Variants in PEAK1 observed in about 807,000 individuals in gnomAD.
The protein encoded by PEAK1 is pseudopodium enriched atypical kinase 1, also known as inactive tyrosine-protein kinase PEAK1.
Under a neutral mutation model 124.7 loss-of-function variants are expected in PEAK1, and 54 were observed. The ratio of observed to expected loss-of-function variants is 0.43; its 90% CI spans 0.35 to 0.54. PEAK1 has a LOEUF of 0.54. Among genes scored for constraint, PEAK1 ranks in the 20% least tolerant of loss-of-function variants. PEAK1 has a pLI of 0.01. For synonymous variants in PEAK1, 719 were observed against 760.0 expected (o/e 0.95, Z 0.89); for missense variants, 2,046 against 2,134.5 (o/e 0.96, Z 0.82).
chr15:77,143,136 C>T (rs922602880), intron 8 of PEAK1, among the ~76,000 whole-genome samples: 1 of 152,144 alleles, frequency 6.6e-6, no homozygotes, highest in African/African-American at 2.4e-5. Context: ...GGGTCTCCTT[C>T]CCAAAGCTGC....
At chr15:77,265,246 T>C (rs1237118024) in intron 5 of PEAK1, among the ~76,000 whole-genome samples, 1 of 152,058 alleles carries the variant, frequency 6.6e-6, no homozygotes, top group Non-Finnish European at 1.5e-5. Flanking sequence ...AAAGCCAAAA[T>C]TGACAAATGG....
intron 2 of PEAK1, among the ~76,000 whole-genome samples, chr15:77,303,212 T>C (rs898645182): frequency 1.8e-4 from 27 of 152,226 alleles, no homozygotes; most frequent in African/African-American, 6.5e-4. Context: ...ATAAAGCTGC[T>C]ACAAACATTT....
At chr15:77,417,467 G>GGGGGGGGGGGT in intron 1 of PEAK1, 2 of 774,310 alleles carry the variant, frequency 2.6e-6, no homozygotes, top group Admixed American at 6.7e-5. Flanking sequence ...GGCGGGGGGG[G>GGGGGGGGGGGT]AGGGGGGCAA....
intron 6 of PEAK1, among the ~76,000 whole-genome samples, chr15:77,250,534 G>A (rs574419172): frequency 2.0e-5 from 3 of 152,090 alleles, no homozygotes; most frequent in South Asian, 2.1e-4. Context: ...CTGGGTTCAC[G>A]CCACTCTCCT....
At chr15:77,363,194 C>T (rs1218019023) in intron 2 of PEAK1, among the ~76,000 whole-genome samples, 1 of 152,124 alleles carries the variant, frequency 6.6e-6, no homozygotes, top group Non-Finnish European at 1.5e-5. Flanking sequence ...ACAGTCTTTA[C>T]CTGGCAGGCT....
chr15:77,320,369 T>G (rs553349298), intron 2 of PEAK1, among the ~76,000 whole-genome samples: 1 of 152,180 alleles, frequency 6.6e-6, no homozygotes, highest in Non-Finnish European at 1.5e-5. Flanking sequence ...TTTATATCCC[T>G]AGTGCTGATC....
chr15:77,419,829 C>T (rs973415125), intron 1 of PEAK1, among the ~76,000 whole-genome samples, 177 bp downstream of exon 1: 1 of 148,510 alleles, frequency 6.7e-6, no homozygotes, highest in Admixed American at 6.7e-5. Context: ...CGGGACGCAC[C>T]GGCCGCCAGA....
At chr15:77,361,911 A>T (rs2067913329) in intron 2 of PEAK1, among the ~76,000 whole-genome samples, 1 of 152,206 alleles carries the variant, frequency 6.6e-6, no homozygotes, top group Non-Finnish European at 1.5e-5. Flanking sequence ...GAAAAAAAAA[A>T]AGAAATCCTG....
chr15:77,360,163 G>T (rs2067791103), intron 2 of PEAK1, among the ~76,000 whole-genome samples: 1 of 152,126 alleles, frequency 6.6e-6, no homozygotes, highest in Non-Finnish European at 1.5e-5. Context: ...TAATCCGATA[G>T]TCAGAGACAA....
intron 2 of PEAK1, chr15:77,348,395 C>A (rs2067002330): frequency 1.1e-6 from 1 of 905,012 alleles, no homozygotes; most frequent in Non-Finnish European, 1.3e-6. Flanking sequence ...GGTAATTACA[C>A]TATAAGCAAG....
chr15:77,180,605 G>A lies in PEAK1; in HGVS notation c.1322C>T (p.Thr441Ile), dbSNP rs1402767957. 2.5e-6 allele frequency: 4 copies of A among 1,614,112 alleles called. No individual in the cohort carries two copies. The highest frequency in any genetic ancestry group is 3.4e-6 in the Non-Finnish European group (4 of 1,180,018). ...GGTTACTGCTTGCCCAGCAACATCT[G>A]TAGAGGCTTTACTTTCTTCCTTCTC... ...QTEKEESKAS[T>I]DVAGQAVTIN... is the part of the protein sequence containing the mutation. The change falls in exon 7 of 10, where the codon ACA (threonine) becomes ATA (isoleucine). Residue 441 changes from threonine to isoleucine, a missense_variant. Thr to Ile is a moderately conservative substitution (Grantham distance 89, BLOSUM62 -1). Coordinates refer to ENST00000682557, the MANE Select transcript of PEAK1 (RefSeq NM_001385026.1).
intron 8 of PEAK1, among the ~76,000 whole-genome samples, chr15:77,143,398 A>G (rs1399691768): frequency 6.6e-6 from 1 of 152,144 alleles, no homozygotes; most frequent in Non-Finnish European, 1.5e-5. Context: ...ACAAACCACT[A>G]GAGAGATGTT....
chr15:77,253,450 T>C (rs2060978389), intron 5 of PEAK1, among the ~76,000 whole-genome samples: 1 of 152,158 alleles, frequency 6.6e-6, no homozygotes, highest in Non-Finnish European at 1.5e-5. Flanking sequence ...CAAAAAGCCA[T>C]TTGTATTTAT....
intron 6 of PEAK1, among the ~76,000 whole-genome samples, chr15:77,201,996 G>C (rs2058385650): frequency 6.6e-6 from 1 of 152,034 alleles, no homozygotes; most frequent in African/African-American, 2.4e-5. Context: ...GTCAAACTTG[G>C]TATTCATTTT....
intron 2 of PEAK1, among the ~76,000 whole-genome samples, chr15:77,320,802 C>T (rs960937585): frequency 6.6e-6 from 1 of 151,124 alleles, no homozygotes; most frequent in East Asian, 1.9e-4. Flanking sequence ...TAATGCTATC[C>T]CTCCCCCGTC....
rs574230122 is a variant in PEAK1 at position 77,277,499 on chromosome 15, A to G, written c.-275+6384T>C. Among the ~76,000 whole-genome samples, 20 of 152,100 alleles carry G rather than the reference A, an allele frequency of 1.3e-4. 1 individual carries two copies. The South Asian group carries it at 4.1e-3, about 32-fold the overall frequency. ...TTTTAATATTGTTCTATAGTTACATAAGATGGAACTAATAGGGGAAACTCG... is the reference window on the plus strand; with the variant it reads ...TTTTAATATTGTTCTATAGTTACATGAGATGGAACTAATAGGGGAAACTCG... On this transcript the variant is annotated intron_variant, in intron 5 of 9. Transcript: ENST00000682557.
chr15:77,128,514 C>T (rs1486582901), intron 9 of PEAK1, among the ~76,000 whole-genome samples: 3 of 152,186 alleles, frequency 2.0e-5, no homozygotes, highest in African/African-American at 4.8e-5. Flanking sequence ...CTCAGTATTG[C>T]GCCACTATGC....
At chr15:77,213,231 T>C (rs1481128253) in intron 6 of PEAK1, among the ~76,000 whole-genome samples, 2 of 151,998 alleles carry the variant, frequency 1.3e-5, no homozygotes, top group Admixed American at 1.3e-4. Context: ...AAATAAAAAA[T>C]GGTCCCTATA....
At chr15:77,362,295 A>G (rs2067941596) in intron 2 of PEAK1, among the ~76,000 whole-genome samples, 2 of 152,200 alleles carry the variant, frequency 1.3e-5, no homozygotes, top group East Asian at 1.9e-4. Flanking sequence ...ACATATATGT[A>G]CTAAAACATC....
Sources: gnomAD v4.1 joint callset for allele counts (sites outside exome capture counted in the v4.1 genomes callset) on GRCh38, gnomAD v4.1.1 for gene constraint, MANE v1.5 for transcripts, NCBI Gene and HGNC (gene_info 2026-07-23, HGNC 2026-07-21) for gene names.